Variants in ZBTB10 observed in about 807,000 individuals in gnomAD.
ZBTB10 encodes zinc finger and BTB domain containing 10.
Under a neutral mutation model 76.4 loss-of-function variants are expected in ZBTB10, and 32 were observed. That is an observed-to-expected ratio of 0.42 (90% CI 0.32 to 0.56). ZBTB10 has a LOEUF of 0.56. Ranked by LOEUF, ZBTB10 falls within the 20% of genes least tolerant of loss-of-function variation. The pLI, the probability that ZBTB10 is intolerant of heterozygous loss-of-function variation, is 0.14. For synonymous variants in ZBTB10, 523 were observed against 432.9 expected, an observed-to-expected ratio of 1.21 and a Z score of -2.58; for missense variants, 1,057 against 1,098.5, an observed-to-expected ratio of 0.96 and a Z score of 0.53.
chr8:80,487,833 A>T, intron 1 of ZBTB10, 51 bp downstream of exon 1: 1 of 1,507,590 alleles, frequency 6.6e-7, no homozygotes, highest in Non-Finnish European at 8.8e-7. Flanking sequence ...GGAAAGGTTT[A>T]TCAGCACTCC....
chr8:80,507,032 G>A (rs1358278688), intron 2 of ZBTB10, among the ~76,000 whole-genome samples: 7 of 152,164 alleles, frequency 4.6e-5, no homozygotes, highest in Non-Finnish European at 8.8e-5. Context: ...CTCTGAGGCC[G>A]GGTGCAGTGG....
At chr8:80,517,328 A>G (rs1033838182) in intron 3 of ZBTB10, among the ~76,000 whole-genome samples, 1 of 152,190 alleles carries the variant, frequency 6.6e-6, no homozygotes, top group African/African-American at 2.4e-5. Context: ...GGGTGGCAAT[A>G]GTTGTGGAAG....
chr8:80,489,788 A>C (rs1815576537), intron 1 of ZBTB10, among the ~76,000 whole-genome samples: 1 of 152,178 alleles, frequency 6.6e-6, no homozygotes, highest in African/African-American at 2.4e-5. Flanking sequence ...ATTCTATACA[A>C]TATACATATA....
intron 2 of ZBTB10, among the ~76,000 whole-genome samples, chr8:80,510,815 AGGAAGAT>A (rs1387219627): frequency 1.4e-4 from 22 of 152,234 alleles, no homozygotes; most frequent in African/African-American, 5.3e-4. Flanking sequence ...AGATTCCCAT[AGGAAGAT>A]GCTGGATATC....
Position 80,520,602 on chromosome 8 carries a change from T to C in ZBTB10, c.*1074T>C, listed in dbSNP as rs1816428148. Reference sequence around the variant, plus strand: ...TTTTATCATGAAAATTAACACAAAATGTGCATTCTCTTTTGTTTCATACTT... The same window carrying C: ...TTTTATCATGAAAATTAACACAAAACGTGCATTCTCTTTTGTTTCATACTT... On this transcript the variant is annotated 3_prime_UTR_variant, in exon 6 of 6. Transcript: ENST00000455036. 6.6e-6 allele frequency: 1 copy of C among 152,394 alleles called. No homozygotes were observed. The highest frequency in any genetic ancestry group is 1.5e-5 in the Non-Finnish European group (1 of 67,932). 9.4% of individuals were successfully genotyped at this position (152,394 alleles called of 1,614,324 possible). A position where few individuals can be genotyped will look rare whatever the true frequency, so the allele number is the denominator to read the frequency against.
Position 80,487,023 on chromosome 8 carries a change from C to T in ZBTB10, c.213C>T (p.Gly71=), listed in dbSNP as rs1815484727. The change falls in exon 1 of 6, where the codon GGC becomes GGT. Residue 71 remains glycine (G), a synonymous_variant. Coordinates refer to ENST00000455036, the MANE Select transcript of ZBTB10 (RefSeq NM_001105539.3). The part of the protein sequence containing the change: ...RGADEEVELE[G]LEPQDLEASA... ...CCGACGAGGAAGTGGAATTGGAGGG[C>T]CTGGAGCCCCAAGACCTGGAGGCCT... 5 of 1,518,432 alleles carry T rather than the reference C, an allele frequency of 3.3e-6. No individual in the cohort carries two copies. Among genetic ancestry groups the T allele is most frequent in the East Asian group, 2.6e-5 (1 of 37,850 alleles). The allele number at this position is 1,518,432 out of a possible 1,614,324, so 94.1% of individuals were successfully genotyped here. A position where few individuals can be genotyped will look rare whatever the true frequency, so the allele number is the denominator to read the frequency against.
chr8:80,504,049 A>G (rs1815991056), intron 2 of ZBTB10, among the ~76,000 whole-genome samples: 2 of 152,208 alleles, frequency 1.3e-5, no homozygotes, highest in African/African-American at 4.8e-5. Context: ...TAGTAAGAGT[A>G]GAAAGAGGCA....
chr8:80,500,606 C>T (rs759991476), intron 2 of ZBTB10, among the ~76,000 whole-genome samples: 10 of 152,018 alleles, frequency 6.6e-5, no homozygotes, highest in Non-Finnish European at 5.9e-5. Context: ...TATTAATAGC[C>T]AGGTATTGCA....
intron 2 of ZBTB10, among the ~76,000 whole-genome samples, chr8:80,513,612 T>G (rs1816253564): frequency 6.6e-6 from 1 of 152,198 alleles, no homozygotes; most frequent in Non-Finnish European, 1.5e-5. Flanking sequence ...CTAGATCACA[T>G]CTACGATATA....
At chr8:80,493,878 C>T (rs868194963) in intron 1 of ZBTB10, among the ~76,000 whole-genome samples, 4 of 152,184 alleles carry the variant, frequency 2.6e-5, no homozygotes, top group South Asian at 4.1e-4. Context: ...TGCTCCCTAA[C>T]ACTCACAGGA....
rs117010984 is a variant in ZBTB10 at position 80,497,828 on chromosome 8, A to G, written c.973-1666A>G. Among the ~76,000 whole-genome samples, 470 of 151,308 alleles carry G rather than the reference A, an allele frequency of 3.1e-3. 1 individual carries two copies. Among genetic ancestry groups the G allele is most frequent in the Non-Finnish European group, 5.4e-3 (367 of 67,846 alleles). On this transcript the variant is annotated intron_variant, in intron 1 of 5. Coordinates refer to ENST00000455036, the MANE Select transcript of ZBTB10 (RefSeq NM_001105539.3). Reference sequence around the variant, plus strand: ...AGGCGTGCCCCACTACTGCCCAGCTAATGTTTGTATTTTTAGTAGAGACGG... The same window carrying G: ...AGGCGTGCCCCACTACTGCCCAGCTGATGTTTGTATTTTTAGTAGAGACGG...
rs1296344494 is a variant in ZBTB10, at chr8:80,522,744, T to G, written c.*3216T>G. On this transcript the variant is annotated 3_prime_UTR_variant, in exon 6 of 6. Coordinates refer to ENST00000455036, the MANE Select transcript of ZBTB10 (RefSeq NM_001105539.3). ...CATAACACATCTTAAAGTTGTTTAA[T>G]AATAGATAAGAACCAAGAGGAAAAA... is the stretch of plus-strand genomic sequence containing the variant. The G allele has an allele frequency of 1.3e-5, 2 of 151,510 alleles. No individual in the cohort carries two copies. The highest frequency in any genetic ancestry group is 1.5e-5 in the Non-Finnish European group (1 of 67,762). 9.4% of individuals were successfully genotyped at this position (151,510 alleles called of 1,614,324 possible). A position where few individuals can be genotyped will look rare whatever the true frequency, so the allele number is the denominator to read the frequency against.
rs1203584679 is a variant in ZBTB10, at chr8:80,518,534, G to A, written c.2092G>A (p.Gly698Arg). Residue 698 changes from glycine (G) to arginine (R), a missense_variant, in exon 4 of 6, where the codon GGA becomes AGA. By Grantham distance (125) the Gly-to-Arg change is moderately radical. Around this residue, in one of 5 missense-constraint regions of ZBTB10, gnomAD observed 306 missense variants for 297.5 expected, o/e 1.03. Transcript: ENST00000455036. ...IPGASNDFKY[G>R]LLPESWPKQE... ...AGGTGCTTCAAATGATTTCAAGTAT[G>A]GATTATTGCCAGAATCTTGGCCAAA... The A allele has an allele frequency of 1.1e-5, 17 of 1,553,214 alleles. No homozygotes were observed. Among genetic ancestry groups the A allele is most frequent in the Non-Finnish European group, 1.4e-5 (16 of 1,148,000 alleles).
In ZBTB10 at chr8:80,486,257, C is replaced by A; in HGVS notation, c.-554C>A. 2 of 1,022,214 alleles carry A rather than the reference C, an allele frequency of 2.0e-6. No homozygotes were observed. The highest frequency in any genetic ancestry group is 2.3e-6 in the Non-Finnish European group (2 of 855,248). 63.3% of individuals were successfully genotyped at this position (1,022,214 alleles called of 1,614,324 possible). A position where few individuals can be genotyped will look rare whatever the true frequency, so the allele number is the denominator to read the frequency against. On this transcript the variant is annotated 5_prime_UTR_variant, in exon 1 of 6. Coordinates refer to ENST00000455036, the MANE Select transcript of ZBTB10 (RefSeq NM_001105539.3). ...CATTCGACCTCCGCCAGGGCCTGGT[C>A]GGACGGAAACGCTCCGCCGGCTTTA...
At position 80,486,458 on chromosome 8, in the gene ZBTB10, C is replaced by A; in HGVS notation, c.-353C>A. On this transcript the variant is annotated 5_prime_UTR_variant, in exon 1 of 6. Coordinates refer to ENST00000455036, the MANE Select transcript of ZBTB10 (RefSeq NM_001105539.3). ...GGGGGCAGCGGAGGGTCTCCCCGCA[C>A]TCCGCTGCTCAACTTCGAAGGCCTC... 6 of 985,188 alleles carry A rather than the reference C, an allele frequency of 6.1e-6. No individual in the cohort carries two copies. Among genetic ancestry groups the A allele is most frequent in the Non-Finnish European group, 6.0e-6 (5 of 829,982 alleles). The allele number at this position is 985,188 out of a possible 1,614,324, so 61.0% of individuals were successfully genotyped here. A position where few individuals can be genotyped will look rare whatever the true frequency, so the allele number is the denominator to read the frequency against.
intron 1 of ZBTB10, among the ~76,000 whole-genome samples, chr8:80,498,276 G>A (rs1026475954): frequency 1.3e-5 from 2 of 152,090 alleles, no homozygotes; most frequent in Non-Finnish European, 2.9e-5. Flanking sequence ...TTACACTCTA[G>A]TGTTTATTTC....
At chr8:80,490,726 A>G (rs1815607486) in intron 1 of ZBTB10, among the ~76,000 whole-genome samples, 2 of 152,200 alleles carry the variant, frequency 1.3e-5, no homozygotes, top group Non-Finnish European at 2.9e-5. Context: ...TTAGGCAAGA[A>G]ATCACTTTGA....
rs1393882639 is a variant in ZBTB10, at chr8:80,520,304, A to G, written c.*776A>G. 1 of 152,518 alleles carries G rather than the reference A, an allele frequency of 6.6e-6. No homozygotes were observed. Among genetic ancestry groups the G allele is most frequent in the Non-Finnish European group, 1.5e-5 (1 of 67,968 alleles). The allele number at this position is 152,518 out of a possible 1,614,324, so 9.4% of individuals were successfully genotyped here. On this transcript the variant is annotated 3_prime_UTR_variant, in exon 6 of 6. Transcript: ENST00000455036. Reference sequence around the variant, plus strand: ...ACTAAAATGATTATGATTTAGAAGTAACTTTCTTCTGCTGCTCTAATCTGA... The same window carrying G: ...ACTAAAATGATTATGATTTAGAAGTGACTTTCTTCTGCTGCTCTAATCTGA...
Position 80,519,942 on chromosome 8 carries a change from G to A in ZBTB10, c.*414G>A, listed in dbSNP as rs551956707. 1 of 153,580 alleles carries A rather than the reference G, an allele frequency of 6.5e-6. No individual in the cohort carries two copies. The highest frequency in any genetic ancestry group is 6.5e-5 in the Admixed American group (1 of 15,380). 9.5% of individuals were successfully genotyped at this position (153,580 alleles called of 1,614,324 possible). A position where few individuals can be genotyped will look rare whatever the true frequency, so the allele number is the denominator to read the frequency against. ...TCTGTCCATCAAACCACTCAGGCTA[G>A]TTTGTACTAGTAGAGTTTTGTTTCT... On this transcript the variant is annotated 3_prime_UTR_variant, in exon 6 of 6. Transcript: ENST00000455036.
Sources: allele counts gnomAD v4.1 joint callset (sites outside exome capture counted in the v4.1 genomes callset), GRCh38; gene constraint gnomAD v4.1.1; regional missense constraint gnomAD v4.1.1; transcripts MANE v1.5; gene names NCBI Gene and HGNC (gene_info 2026-07-23, HGNC 2026-07-21).